ZYG11B: variants seen among roughly 807,000 people sequenced by gnomAD.
ZYG11B encodes the protein protein zyg-11 homolog B.
In ZYG11B, 36 loss-of-function variants were observed where a neutral mutation model predicts 82.4. The observed-to-expected ratio is 0.44, with a 90% CI of 0.33 to 0.58. The LOEUF (loss-of-function observed/expected upper bound fraction) is 0.58. ZYG11B is among the 20% of genes least tolerant of loss of function. The probability of loss-of-function intolerance (pLI) is 0.02; values close to 1 mark genes in which losing one functional copy is unlikely to be tolerated. For missense variants in ZYG11B, 552 were observed against 895.6 expected (o/e 0.62, Z 4.90); for synonymous variants, 303 against 312.8 (o/e 0.97, Z 0.33).
At chr1:52,796,583 G>T (rs1392174582) in intron 7 of ZYG11B, 151 bp from the exon 8 acceptor site, 20 of 808,112 alleles carry the variant, frequency 2.5e-5, no homozygotes, top group Non-Finnish European at 3.6e-5. Flanking sequence ...ACTTTGGGAG[G>T]CCGAGGCAGG....
rs1644754405 is a variant in ZYG11B at position 52,771,839 on chromosome 1, T to G, written c.951+65T>G. ...ATATCTTAGTTGCATAAGACTCTATTAAAGATGAATGTCTGTAATATATGG... is the reference window on the plus strand; with the variant it reads ...ATATCTTAGTTGCATAAGACTCTATGAAAGATGAATGTCTGTAATATATGG... On this transcript the variant is annotated intron_variant, in intron 3 of 13. Transcript: ENST00000294353. The surrounding 1 kb of genome is among the most constrained non-coding windows in gnomAD (Gnocchi z 5.4). 6.6e-7 allele frequency: 1 copy of G among 1,512,196 alleles called. No individual in the cohort carries two copies. Among genetic ancestry groups the G allele is most frequent in the Admixed American group, 2.1e-5 (1 of 48,518 alleles). 93.7% of individuals were successfully genotyped at this position (1,512,196 alleles called of 1,614,324 possible).
intron 2 of ZYG11B, among the ~76,000 whole-genome samples, chr1:52,757,927 C>A (rs1012654784): frequency 6.6e-6 from 1 of 151,670 alleles, no homozygotes; most frequent in African/African-American, 2.4e-5. Context: ...CTTGGCCGGG[C>A]GCAGTGGCTC....
At chr1:52,809,378 T>C (rs1291168081) in intron 10 of ZYG11B, among the ~76,000 whole-genome samples, 2 of 152,184 alleles carry the variant, frequency 1.3e-5, no homozygotes, top group Non-Finnish European at 2.9e-5. Context: ...TTTCTGTCTC[T>C]ATGATTTTAA....
At chr1:52,815,795 C>T (rs976660600) in intron 12 of ZYG11B, among the ~76,000 whole-genome samples, 4 of 150,852 alleles carry the variant, frequency 2.7e-5, no homozygotes, top group African/African-American at 7.3e-5. Context: ...ATTAGCCGGG[C>T]GTGGTGGCAG....
At chr1:52,761,465 A>G (rs537861653) in intron 2 of ZYG11B, among the ~76,000 whole-genome samples, 1 of 152,254 alleles carries the variant, frequency 6.6e-6, no homozygotes, top group South Asian at 2.1e-4. Flanking sequence ...GGCTTATTTC[A>G]CTTAACATAA....
At position 52,801,896 on chromosome 1, in the gene ZYG11B, T is replaced by C; in HGVS notation, c.1563T>C (p.Leu521=). The change falls in exon 9 of 14, where the codon CTT becomes CTC. Residue 521 remains leucine (L), a synonymous_variant. Coordinates refer to ENST00000294353, the MANE Select transcript of ZYG11B (RefSeq NM_024646.3). ...DTTLKFTLSA[L]WNLTDESPTT... is the part of the protein sequence containing the mutation. ...CATTGAAATTTACTTTGAGTGCACT[T>C]TGGAACCTCACAGATGAATCTCCAA... 1 of 1,613,430 alleles carries C rather than the reference T, an allele frequency of 6.2e-7. No homozygotes were observed. The highest frequency in any genetic ancestry group is 8.5e-7 in the Non-Finnish European group (1 of 1,179,688).
intron 10 of ZYG11B, among the ~76,000 whole-genome samples, chr1:52,811,235 A>G (rs1014449071): frequency 1.3e-5 from 2 of 151,826 alleles, no homozygotes; most frequent in Admixed American, 6.6e-5. Flanking sequence ...TAAGTGGACA[A>G]TTTTTTTCTG....
At chr1:52,788,770 A>G (rs1050272372) in intron 5 of ZYG11B, among the ~76,000 whole-genome samples, 3 of 152,272 alleles carry the variant, frequency 2.0e-5, no homozygotes, top group African/African-American at 4.8e-5. Flanking sequence ...GTCTTCCTCA[A>G]TGAGGTAATA....
At position 52,826,626 on chromosome 1, in the gene ZYG11B, T is replaced by C. The variant is rs1201283361; in HGVS notation, c.*4997T>C. 1 of 152,162 alleles carries C rather than the reference T, an allele frequency of 6.6e-6. No homozygotes were observed. The highest frequency in any genetic ancestry group is 2.4e-5 in the African/African-American group (1 of 41,430). 9.4% of individuals were successfully genotyped at this position (152,162 alleles called of 1,614,324 possible). ...CTAAGAAAGAGACTTTTCTTCCTGT[T>C]TTTCTCTCTCCCCATTTTTTGGGGT... On this transcript the variant is annotated 3_prime_UTR_variant, in exon 14 of 14. Transcript: ENST00000294353.
At chr1:52,817,777 GTATATATATATATATATATATATATATA>G (rs869260265) in intron 13 of ZYG11B, among the ~76,000 whole-genome samples, 13 of 41,540 alleles carry the variant, frequency 3.1e-4, no homozygotes, top group South Asian at 9.9e-4. Flanking sequence ...ATATATATGT[GTATATATATATATATATATATATATATA>G]TATATATATA....
chr1:52,775,803 C>A (rs117999485), intron 3 of ZYG11B, among the ~76,000 whole-genome samples: 2 of 151,488 alleles, frequency 1.3e-5, no homozygotes, highest in South Asian at 4.2e-4. Context: ...GTCGGCCAGG[C>A]GTGGTGGCTC....
At chr1:52,784,191 C>A (rs1278540856) in intron 4 of ZYG11B, among the ~76,000 whole-genome samples, 2 of 152,150 alleles carry the variant, frequency 1.3e-5, no homozygotes, top group African/African-American at 2.4e-5. Context: ...GGGGTTTCAC[C>A]ATGTTGGCCA....
chr1:52,731,915 G>T (rs143684200), intron 1 of ZYG11B, among the ~76,000 whole-genome samples: 1 of 152,086 alleles, frequency 6.6e-6, no homozygotes, highest in Non-Finnish European at 1.5e-5. Context: ...CCATCCTCCC[G>T]CCTCATCCAA....
chr1:52,737,585 G>C (rs1644388513), intron 1 of ZYG11B, among the ~76,000 whole-genome samples: 2 of 152,134 alleles, frequency 1.3e-5, no homozygotes, highest in African/African-American at 4.8e-5. Context: ...GGCTAACATA[G>C]TGGGAGCCCA....
chr1:52,772,377 A>G, intron 3 of ZYG11B: 1 of 1,541,890 alleles, frequency 6.5e-7, no homozygotes, highest in Non-Finnish European at 9.0e-7. Context: ...TTTCTTAATT[A>G]AATGGTAGAG....
At chr1:52,729,245 A>C (rs530172356) in intron 1 of ZYG11B, among the ~76,000 whole-genome samples, 175 of 152,282 alleles carry the variant, frequency 1.1e-3, no homozygotes, top group Admixed American at 2.6e-3. Flanking sequence ...CTGGTGATCT[A>C]ATCACCTCCC....
At chr1:52,726,805 C>T (rs929733479) in intron 1 of ZYG11B, 122 bp downstream of exon 1, 19 of 952,044 alleles carry the variant, frequency 2.0e-5, no homozygotes, top group Non-Finnish European at 2.7e-5. Flanking sequence ...CCTGCCTTTA[C>T]CTCTCTCCCT....
At chr1:52,783,805 T>TATATATAC (rs74185908) in intron 4 of ZYG11B, among the ~76,000 whole-genome samples, 3,402 of 134,830 alleles carry the variant, frequency 0.025, 95 homozygotes, top group East Asian at 0.035. Context: ...TATATATATA[T>TATATATAC]ACACACACAC....
At chr1:52,772,279 C>CG (rs1301514051) in intron 3 of ZYG11B, 2 of 1,322,024 alleles carry the variant, frequency 1.5e-6, no homozygotes, top group African/African-American at 2.9e-5. Flanking sequence ...TTGAGCCAAA[C>CG]GGTGAATCTG....
Sources: allele counts gnomAD v4.1 joint callset (sites outside exome capture counted in the v4.1 genomes callset), GRCh38; gene constraint gnomAD v4.1.1; non-coding constraint Gnocchi (gnomAD v3.1); transcripts MANE v1.5; gene names NCBI Gene and HGNC (gene_info 2026-07-23, HGNC 2026-07-21).